Variants in PTCH1 observed in about 807,000 individuals in gnomAD.
The protein encoded by PTCH1 is patched 1, also known as protein patched homolog 1.
A neutral mutation model predicts 144.6 loss-of-function variants in PTCH1; 14 were observed. That is an observed-to-expected ratio of 0.10 (90% CI 0.06 to 0.15). PTCH1 has a LOEUF of 0.15. PTCH1 is among the 10% of genes least tolerant of loss of function. The pLI, the probability that PTCH1 is intolerant of heterozygous loss-of-function variation, is 1.00. For synonymous variants in PTCH1, 833 were observed against 793.6 expected, an observed-to-expected ratio of 1.05 and a Z score of -0.83; for missense variants, 1,623 against 1,948.3, an observed-to-expected ratio of 0.83 and a Z score of 3.14.
intron 20 of PTCH1, chr9:95,450,179 G>GAA: frequency 2.0e-6 from 1 of 509,480 alleles, no homozygotes; most frequent in Non-Finnish European, 3.6e-6. Context: ...ATGAAGGGAA[G>GAA]AAAAAAAAAA....
At chr9:95,485,662 T>C (rs201873152) in intron 3 of PTCH1, 23 bp downstream of exon 3, 4 of 1,613,760 alleles carry the variant, frequency 2.5e-6, no homozygotes, top group Non-Finnish European at 8.5e-7. Flanking sequence ...TGCTCATTAG[T>C]AGGTGGACGC....
At chr9:95,507,366 TCCCCGGCGCTGGCCGCGG>T (rs1287007378) in intron 1 of PTCH1, 8 of 985,254 alleles carry the variant, frequency 8.1e-6, no homozygotes, top group African/African-American at 1.7e-5. Flanking sequence ...GCGCGGCATT[TCCCCGGCGCTGGCCGCGG>T]CCCCGGCGGG....
intron 2 of PTCH1, among the ~76,000 whole-genome samples, chr9:95,505,207 C>T (rs750571763): frequency 6.6e-6 from 1 of 152,198 alleles, no homozygotes; most frequent in Non-Finnish European, 1.5e-5. Flanking sequence ...TCTTCAAGGT[C>T]TCCAACAGCA....
chr9:95,503,401 C>T (rs1843289675), intron 2 of PTCH1: 1 of 151,998 alleles, frequency 6.6e-6, no homozygotes, highest in Non-Finnish European at 1.5e-5. Context: ...ACTCAGCTCA[C>T]TCTGTCACAA....
At chr9:95,491,330 G>A (rs890835010) in intron 2 of PTCH1, among the ~76,000 whole-genome samples, 1 of 152,212 alleles carries the variant, frequency 6.6e-6, no homozygotes. Context: ...GAGAGATCTA[G>A]GACAAGTCCC....
At chr9:95,486,247 G>C (rs1271125067) in intron 2 of PTCH1, among the ~76,000 whole-genome samples, 3 of 152,204 alleles carry the variant, frequency 2.0e-5, no homozygotes, top group Admixed American at 6.5e-5. Flanking sequence ...CCCTGCAGCA[G>C]ATTTCAAGAT....
rs1588519372 is a variant in PTCH1 at position 95,449,873 on chromosome 9, C to T, written c.3517G>A (p.Val1173Met). The T allele has an allele frequency of 1.2e-6, 2 of 1,614,120 alleles. No individual in the cohort carries two copies. The highest frequency in any genetic ancestry group is 8.5e-7 in the Non-Finnish European group (1 of 1,179,990). ...TATGGTCCAAAGAAAGACAAAAGCA[C>T]GGGAAGCAAAACCAGCCCATTGAGA... is the stretch of plus-strand genomic sequence containing the variant. ...GVLNGLVLLP[V>M]LLSFFGPYPE... The change falls in exon 21 of 24, where the codon GTG (valine) becomes ATG (methionine). Residue 1173 changes from valine to methionine, a missense_variant. Val to Met is a conservative substitution (Grantham distance 21, BLOSUM62 1). This residue lies in a region of PTCH1 where 504 missense variants were observed against 679.3 expected (regional missense o/e 0.74). Transcript: ENST00000331920. The surrounding 1 kb of genome is among the most constrained non-coding windows in gnomAD (Gnocchi z 5.3).
At chr9:95,490,746 G>A (rs993936917) in intron 2 of PTCH1, among the ~76,000 whole-genome samples, 1 of 151,954 alleles carries the variant, frequency 6.6e-6, no homozygotes, top group Non-Finnish European at 1.5e-5. Context: ...AAGAGAGGTG[G>A]GTTAATGAGT....
chr9:95,512,250 C>A (rs903330055), upstream of PTCH1, among the ~76,000 whole-genome samples: 1 of 152,232 alleles, frequency 6.6e-6, no homozygotes, highest in African/African-American at 2.4e-5. Context: ...CCCTGAGCCC[C>A]CTCGCCCGCT....
chr9:95,495,187 C>T (rs1842705208), intron 2 of PTCH1: 1 of 152,186 alleles, frequency 6.6e-6, no homozygotes. Flanking sequence ...ATAAGGACCC[C>T]CTGGTGCCGT....
upstream of PTCH1, among the ~76,000 whole-genome samples, chr9:95,510,013 A>C (rs556105730): frequency 2.6e-5 from 4 of 152,056 alleles, no homozygotes; most frequent in South Asian, 2.1e-4. Flanking sequence ...AAAAAAAAAA[A>C]AAACACAGTC....
At chr9:95,455,484 A>G (rs1407800319) in intron 19 of PTCH1, among the ~76,000 whole-genome samples, 1 of 152,248 alleles carries the variant, frequency 6.6e-6, no homozygotes, top group African/African-American at 2.4e-5. Context: ...CCAAGTTCTT[A>G]GGCTCTAATC....
At chr9:95,488,902 A>G (rs75420449) in intron 2 of PTCH1, among the ~76,000 whole-genome samples, 1,811 of 152,356 alleles carry the variant, frequency 0.012, 27 homozygotes, top group East Asian at 0.031. Context: ...TCTGGGTAGA[A>G]GAACCAGCAA....
chr9:95,448,574 G>A (rs1000585082), intron 22 of PTCH1, among the ~76,000 whole-genome samples: 1 of 152,250 alleles, frequency 6.6e-6, no homozygotes, highest in South Asian at 2.1e-4. Flanking sequence ...AGCCCCAAAA[G>A]CTATGGTAAA....
chr9:95,462,285 A>G (rs924067226), intron 15 of PTCH1, among the ~76,000 whole-genome samples: 1 of 152,252 alleles, frequency 6.6e-6, no homozygotes, highest in South Asian at 2.1e-4. Flanking sequence ...CTTTCGCCCC[A>G]TGACAATTAC....
At chr9:95,504,186 A>G (rs749369776) in intron 2 of PTCH1, among the ~76,000 whole-genome samples, 2 of 152,130 alleles carry the variant, frequency 1.3e-5, no homozygotes, top group African/African-American at 4.8e-5. Flanking sequence ...TTGGCCCAAG[A>G]CCAGTGAGTC....
intron 18 of PTCH1, among the ~76,000 whole-genome samples, chr9:95,456,873 G>C (rs999661977): frequency 2.6e-5 from 4 of 152,158 alleles, no homozygotes; most frequent in Non-Finnish European, 1.5e-5. Flanking sequence ...TCTAAAGAAA[G>C]CTGATAGGAC....
intron 2 of PTCH1, 34 bp downstream of exon 2, chr9:95,506,373 C>T (rs1406893929): frequency 1.4e-5 from 23 of 1,603,394 alleles, no homozygotes; most frequent in Non-Finnish European, 2.0e-5. Flanking sequence ...AGGGACCGGG[C>T]CGGGGGCGCG....
At chr9:95,506,360 A>G (rs1006148056) in intron 2 of PTCH1, 47 bp downstream of exon 2, 1 of 1,588,972 alleles carries the variant, frequency 6.3e-7, no homozygotes, top group Non-Finnish European at 8.6e-7. Context: ...ATCAACCGCG[A>G]GGAGGGACCG....
Sources: allele counts gnomAD v4.1 joint callset (sites outside exome capture counted in the v4.1 genomes callset), GRCh38; gene constraint gnomAD v4.1.1; regional missense constraint gnomAD v4.1.1; non-coding constraint Gnocchi (gnomAD v3.1); transcripts MANE v1.5; gene names NCBI Gene and HGNC (gene_info 2026-07-23, HGNC 2026-07-21).